TMEM132D: variants seen among roughly 807,000 people sequenced by gnomAD.
TMEM132D encodes the protein transmembrane protein 132D, also known as mature OL transmembrane protein.
Under a neutral mutation model 62.3 loss-of-function variants are expected in TMEM132D, and 21 were observed. The ratio of observed to expected loss-of-function variants is 0.34; its 90% CI spans 0.24 to 0.49. The LOEUF (loss-of-function observed/expected upper bound fraction) is 0.49, where lower values mean the gene tolerates loss of function less well. Ranked by LOEUF, TMEM132D falls within the 20% of genes least tolerant of loss-of-function variation. The pLI, the probability that TMEM132D is intolerant of heterozygous loss-of-function variation, is 0.99. For missense variants in TMEM132D, 1,346 were observed against 1,402.8 expected (o/e 0.96, Z 0.65); for synonymous variants, 621 against 575.6 (o/e 1.08, Z -1.13).
chr12:129,692,666 C>T (rs1452818160), intron 2 of TMEM132D, among the ~76,000 whole-genome samples: 1 of 152,054 alleles, frequency 6.6e-6, no homozygotes, highest in Non-Finnish European at 1.5e-5. Flanking sequence ...ACTATGCAGC[C>T]GTGACAAGAA....
chr12:129,674,811 T>G (rs1441839816), intron 2 of TMEM132D, among the ~76,000 whole-genome samples: 1 of 152,174 alleles, frequency 6.6e-6, no homozygotes, highest in African/African-American at 2.4e-5. Flanking sequence ...AGGGCTGGGA[T>G]TACAGGCGTG....
chr12:129,613,624 C>T (rs1201500263), intron 2 of TMEM132D, among the ~76,000 whole-genome samples: 1 of 152,234 alleles, frequency 6.6e-6, no homozygotes, highest in Admixed American at 6.5e-5. Context: ...AGTGGGTGTG[C>T]CATCGCAGCA....
intron 1 of TMEM132D, among the ~76,000 whole-genome samples, chr12:129,902,638 C>T (rs905421165): frequency 6.6e-6 from 1 of 152,164 alleles, no homozygotes; most frequent in Non-Finnish European, 1.5e-5. Context: ...GTGCACCCTG[C>T]GGGGCCGCTG....
At chr12:129,436,340 T>C (rs1401107915) in intron 3 of TMEM132D, among the ~76,000 whole-genome samples, 1 of 152,210 alleles carries the variant, frequency 6.6e-6, no homozygotes, top group Non-Finnish European at 1.5e-5. Context: ...AAACTAATCA[T>C]AGCTACCGCA....
chr12:129,124,524 G>A (rs1876156400), intron 5 of TMEM132D, among the ~76,000 whole-genome samples: 1 of 152,076 alleles, frequency 6.6e-6, no homozygotes, highest in African/African-American at 2.4e-5. Flanking sequence ...TCTCACCATA[G>A]GTCAGTTTTG....
At chr12:129,788,604 C>T (rs1351621818) in intron 1 of TMEM132D, among the ~76,000 whole-genome samples, 1 of 152,162 alleles carries the variant, frequency 6.6e-6, no homozygotes, top group Non-Finnish European at 1.5e-5. Context: ...AATATTTAAG[C>T]AAAGTATGAC....
At chr12:129,329,060 T>A (rs1206376680) in intron 4 of TMEM132D, among the ~76,000 whole-genome samples, 2 of 150,156 alleles carry the variant, frequency 1.3e-5, no homozygotes, top group Admixed American at 1.3e-4. Flanking sequence ...AGAATATACT[T>A]TCATACGTCT....
At chr12:129,209,438 C>G in intron 5 of TMEM132D, 82 bp downstream of exon 5, 1 of 1,560,922 alleles carries the variant, frequency 6.4e-7, no homozygotes, top group Non-Finnish European at 8.7e-7. Flanking sequence ...TCCCAGAGGT[C>G]CCAGAGGTCC....
chr12:129,235,076 A>G (rs1455994910), intron 4 of TMEM132D, among the ~76,000 whole-genome samples: 2 of 152,170 alleles, frequency 1.3e-5, no homozygotes, highest in Non-Finnish European at 2.9e-5. Flanking sequence ...CTCTCATTCT[A>G]TCTTTGAGGG....
intron 3 of TMEM132D, among the ~76,000 whole-genome samples, chr12:129,339,470 C>G (rs1869398746): frequency 6.8e-6 from 1 of 147,204 alleles, no homozygotes; most frequent in African/African-American, 2.5e-5. Context: ...GTTTTTGAAT[C>G]CTACAAAACG....
chr12:129,094,587 C>G (rs867861356), intron 5 of TMEM132D, among the ~76,000 whole-genome samples: 1 of 152,270 alleles, frequency 6.6e-6, no homozygotes, highest in Middle Eastern at 3.4e-3. Flanking sequence ...GTTGGTGGGA[C>G]TGTAAACTAG....
intron 2 of TMEM132D, among the ~76,000 whole-genome samples, chr12:129,582,530 G>T (rs1877899650): frequency 6.6e-6 from 1 of 152,182 alleles, no homozygotes. Context: ...GGCTGCTGGG[G>T]TTTGTACATT....
Position 129,090,111 on chromosome 12 carries a change from G to A in TMEM132D, c.1444-5409C>T, listed in dbSNP as rs558639875. Among the ~76,000 whole-genome samples, 37 of 152,326 alleles carry A rather than the reference G, an allele frequency of 2.4e-4. No individual in the cohort carries two copies. In the East Asian group the frequency reaches 6.9e-3, roughly 29 times the overall value. ...ATGAGCTTCCGTCTCCAGGGTGATC[G>A]ATGGCGCTGAGGAGAAACGTGGGCC... On this transcript the variant is annotated intron_variant, in intron 5 of 8. Coordinates refer to ENST00000422113, the MANE Select transcript of TMEM132D (RefSeq NM_133448.3).
chr12:129,143,078 T>C (rs764445069), intron 5 of TMEM132D, among the ~76,000 whole-genome samples: 51 of 152,236 alleles, frequency 3.4e-4, no homozygotes, highest in Non-Finnish European at 5.6e-4. Context: ...TGACACTGTC[T>C]ACCCAAAGAT....
At chr12:129,295,709 T>C (rs765921080) in intron 4 of TMEM132D, among the ~76,000 whole-genome samples, 7 of 152,130 alleles carry the variant, frequency 4.6e-5, no homozygotes, top group Non-Finnish European at 1.0e-4. Flanking sequence ...ACACCATGAA[T>C]AGCAAAGTCG....
At chr12:129,236,627 G>A (rs1030236521) in intron 4 of TMEM132D, among the ~76,000 whole-genome samples, 4 of 150,982 alleles carry the variant, frequency 2.6e-5, no homozygotes, top group African/African-American at 4.9e-5. Flanking sequence ...GCAGTTTTTC[G>A]TGGCGTCTTT....
intron 5 of TMEM132D, among the ~76,000 whole-genome samples, chr12:129,177,072 G>T (rs574709152): frequency 2.0e-5 from 3 of 152,324 alleles, no homozygotes; most frequent in African/African-American, 7.2e-5. Context: ...GTGCTGAAAA[G>T]TAACAGGCTA....
At chr12:129,574,375 G>A (rs767436191) in intron 2 of TMEM132D, among the ~76,000 whole-genome samples, 2 of 151,804 alleles carry the variant, frequency 1.3e-5, no homozygotes, top group Non-Finnish European at 2.9e-5. Context: ...TACATGCTGG[G>A]TTTCCTCTAT....
At chr12:129,341,913 A>G (rs1316668476) in intron 3 of TMEM132D, among the ~76,000 whole-genome samples, 3 of 152,174 alleles carry the variant, frequency 2.0e-5, no homozygotes, top group South Asian at 2.1e-4. Flanking sequence ...CCACTGCTCA[A>G]TGAAATAAAA....
Sources: gnomAD v4.1 joint callset for allele counts (sites outside exome capture counted in the v4.1 genomes callset) on GRCh38, gnomAD v4.1.1 for gene constraint, MANE v1.5 for transcripts, NCBI Gene and HGNC (gene_info 2026-07-23, HGNC 2026-07-21) for gene names.